Variants in ADGRL3 observed in about 807,000 individuals in gnomAD.
The protein encoded by ADGRL3 is calcium-independent alpha-latrotoxin receptor 3.
Under a neutral mutation model 153.5 loss-of-function variants are expected in ADGRL3, and 62 were observed. That is an observed-to-expected ratio of 0.40 (90% CI 0.33 to 0.50). ADGRL3 has a LOEUF of 0.50. ADGRL3 is among the 20% of genes least tolerant of loss of function. The pLI is 0.47. For missense variants in ADGRL3, 1,641 were observed against 1,859.4 expected, an observed-to-expected ratio of 0.88 and a Z score of 2.16; for synonymous variants, 710 against 672.5, an observed-to-expected ratio of 1.06 and a Z score of -0.86.
At chr4:61,555,602 A>G (rs1482232318) in intron 4 of ADGRL3, among the ~76,000 whole-genome samples, 3 of 152,142 alleles carry the variant, frequency 2.0e-5, no homozygotes, top group African/African-American at 7.2e-5. Flanking sequence ...GTTGCAGGAA[A>G]GGGGTTCCAA....
At chr4:61,890,549 AG>A (rs2098570140) in intron 9 of ADGRL3, among the ~76,000 whole-genome samples, 1 of 147,054 alleles carries the variant, frequency 6.8e-6, no homozygotes, top group African/African-American at 2.5e-5. Flanking sequence ...GACAGGTGGG[AG>A]GGGGCCAAAC....
chr4:61,657,758 A>G lies in ADGRL3; in HGVS notation c.474-19068A>G, dbSNP rs938899802. Among the ~76,000 whole-genome samples, 13 of 152,230 alleles carry G rather than the reference A, an allele frequency of 8.5e-5. 1 individual carries two copies. The highest frequency in any genetic ancestry group is 3.1e-4 in the African/African-American group (13 of 41,466). On this transcript the variant is annotated intron_variant, in intron 5 of 26. Coordinates refer to ENST00000683033, the MANE Select transcript of ADGRL3 (RefSeq NM_001387552.1). ...AATTTTATAAATGTATGCATATTGCATTGGAAAGGGCTAAACATTTCAGAC... is the reference window on the plus strand; with the variant it reads ...AATTTTATAAATGTATGCATATTGCGTTGGAAAGGGCTAAACATTTCAGAC...
intron 6 of ADGRL3, among the ~76,000 whole-genome samples, chr4:61,719,418 G>C (rs895853934): frequency 2.6e-5 from 4 of 152,076 alleles, no homozygotes; most frequent in African/African-American, 9.7e-5. Flanking sequence ...AAGAATGAAA[G>C]AAGAAACAGG....
At chr4:61,478,656 G>A (rs1464462120) in intron 2 of ADGRL3, among the ~76,000 whole-genome samples, 1 of 151,972 alleles carries the variant, frequency 6.6e-6, no homozygotes. Context: ...CTTTCTGTAT[G>A]AAATAAAGGG....
At chr4:61,763,445 A>G (rs1263539419) in intron 8 of ADGRL3, among the ~76,000 whole-genome samples, 1 of 152,000 alleles carries the variant, frequency 6.6e-6, no homozygotes, top group Non-Finnish European at 1.5e-5. Context: ...CAGCCCTCAA[A>G]GTAAGCAACA....
intron 9 of ADGRL3, among the ~76,000 whole-genome samples, chr4:61,834,957 G>A (rs1352053309): frequency 2.0e-5 from 3 of 152,118 alleles, no homozygotes; most frequent in African/African-American, 4.8e-5. Context: ...TATCTTCCAT[G>A]TGGCCAAGAG....
Position 61,358,393 on chromosome 4 carries a change from C to A in ADGRL3, c.-239-24731C>A, listed in dbSNP as rs541316656. The stretch of plus-strand genomic sequence containing the variant: ...TGGGCGGATCACGAGGTCAGGAGAT[C>A]GAGACCATCCTGGCTAACAGGATGA... On this transcript the variant is annotated intron_variant, in intron 1 of 26. Coordinates refer to ENST00000683033, the MANE Select transcript of ADGRL3 (RefSeq NM_001387552.1). 3.8e-3 allele frequency among the ~76,000 whole-genome samples: 578 copies of A among 151,920 alleles called. 5 individuals are homozygous for A. Among genetic ancestry groups the A allele is most frequent in the African/African-American group, 0.014 (564 of 41,436 alleles).
At chr4:61,362,006 A>AT (rs1044820922) in intron 1 of ADGRL3, among the ~76,000 whole-genome samples, 3 of 148,958 alleles carry the variant, frequency 2.0e-5, no homozygotes, top group African/African-American at 7.3e-5. Context: ...AAATACATAT[A>AT]TTTTTTAATA....
At chr4:61,409,982 A>G (rs1328378446) in intron 2 of ADGRL3, among the ~76,000 whole-genome samples, 2 of 152,040 alleles carry the variant, frequency 1.3e-5, no homozygotes, top group Admixed American at 6.6e-5. Context: ...GATTTTTACA[A>G]TAATCAGATC....
intron 5 of ADGRL3, among the ~76,000 whole-genome samples, chr4:61,591,929 A>AG (rs2149407357): frequency 6.6e-6 from 1 of 151,982 alleles, no homozygotes; most frequent in Non-Finnish European, 1.5e-5. Flanking sequence ...ATAAAAAGTT[A>AG]GCTGTACCTG....
chr4:62,057,566 G>A (rs147779414), intron 25 of ADGRL3, among the ~76,000 whole-genome samples: 3 of 152,202 alleles, frequency 2.0e-5, no homozygotes, highest in Non-Finnish European at 4.4e-5. Context: ...TTTTCAATAT[G>A]GAATACGAAA....
intron 21 of ADGRL3, among the ~76,000 whole-genome samples, chr4:62,027,360 A>T (rs529420248): frequency 1.3e-5 from 2 of 152,154 alleles, no homozygotes; most frequent in East Asian, 3.9e-4. Flanking sequence ...ACTTTCTGTG[A>T]TGATGGACAT....
At chr4:61,958,445 C>T (rs2098976170) in intron 17 of ADGRL3, among the ~76,000 whole-genome samples, 1 of 150,678 alleles carries the variant, frequency 6.6e-6, no homozygotes, top group South Asian at 2.1e-4. Flanking sequence ...ACAACACTAA[C>T]TGCTGTGAGG....
chr4:61,304,019 T>G (rs1185112010), intron 1 of ADGRL3, among the ~76,000 whole-genome samples: 1 of 152,228 alleles, frequency 6.6e-6, no homozygotes, highest in East Asian at 1.9e-4. Context: ...TGTGAACATG[T>G]TTATTCTCTG....
chr4:61,285,513 G>A (rs2093902062), intron 1 of ADGRL3, among the ~76,000 whole-genome samples: 1 of 151,618 alleles, frequency 6.6e-6, no homozygotes, highest in Admixed American at 6.6e-5. Context: ...TAGCAGTGTT[G>A]CCCCACAGAA....
chr4:61,658,718 T>C (rs2094509155), intron 5 of ADGRL3, among the ~76,000 whole-genome samples: 2 of 151,998 alleles, frequency 1.3e-5, no homozygotes, highest in African/African-American at 4.8e-5. Context: ...TCAATTCCCT[T>C]TCTCTTTTTA....
intron 17 of ADGRL3, among the ~76,000 whole-genome samples, chr4:61,951,367 C>T (rs1343448725): frequency 6.6e-6 from 1 of 152,158 alleles, no homozygotes; most frequent in Admixed American, 6.6e-5. Flanking sequence ...TACCCAACCC[C>T]TTCAAAAGTA....
At chr4:61,488,076 A>T (rs1261305553) in intron 2 of ADGRL3, among the ~76,000 whole-genome samples, 1 of 152,062 alleles carries the variant, frequency 6.6e-6, no homozygotes. Flanking sequence ...CCTGTGTCGA[A>T]CATTAATCTA....
intron 19 of ADGRL3, among the ~76,000 whole-genome samples, chr4:61,989,801 A>T (rs2099097610): frequency 6.6e-6 from 1 of 152,048 alleles, no homozygotes; most frequent in Admixed American, 6.6e-5. Context: ...GAAGTATAAC[A>T]ACTTCCACAG....
Sources: allele counts gnomAD v4.1 joint callset (sites outside exome capture counted in the v4.1 genomes callset), GRCh38; gene constraint gnomAD v4.1.1; transcripts MANE v1.5; gene names NCBI Gene and HGNC (gene_info 2026-07-23, HGNC 2026-07-21).